Variants in MACF1 observed in about 807,000 individuals in gnomAD.
MACF1 encodes the protein microtubule actin crosslinking factor 1.
A neutral mutation model predicts 854.8 loss-of-function variants in MACF1; 193 were observed. The ratio of observed to expected loss-of-function variants is 0.23; its 90% CI spans 0.20 to 0.25. MACF1 has a LOEUF of 0.25. MACF1 is among the 10% of genes least tolerant of loss of function. The pLI is 1.00. For missense variants in MACF1, 7,722 were observed against 8,929.1 expected (o/e 0.86, Z 5.45); for synonymous variants, 3,185 against 3,226.7 (o/e 0.99, Z 0.44).
At position 39,371,286 on chromosome 1, in the gene MACF1, C is replaced by A. The variant is rs1317349333; in HGVS notation, c.13095+1100C>A. ...TGAGCTGAGATGGTGCCACTGCACT[C>A]CAGCCTGGGTGATAGAGAGTGAGAC... On this transcript the variant is annotated intron_variant, in intron 51 of 100. Transcript: ENST00000564288. Among the ~76,000 whole-genome samples the A allele has an allele frequency of 2.7e-5, 4 of 147,068 alleles. No homozygotes were observed. In the East Asian group the frequency reaches 8.0e-4, roughly 29 times the overall value.
intron 97 of MACF1, among the ~76,000 whole-genome samples, chr1:39,474,174 G>A (rs1413830747): frequency 6.6e-6 from 1 of 152,110 alleles, no homozygotes; most frequent in East Asian, 1.9e-4. Flanking sequence ...AGATCATGAG[G>A]TCAGGAGTTC....
Position 39,333,224 on chromosome 1 carries a change from A to G in MACF1, c.6636A>G (p.Glu2212=), listed in dbSNP as rs1489115024. 2 of 1,612,630 alleles carry G rather than the reference A, an allele frequency of 1.2e-6. No homozygotes were observed. The highest frequency in any genetic ancestry group is 1.7e-6 in the Non-Finnish European group (2 of 1,179,728). Reference sequence around the variant, plus strand: ...AGAAAACTCTAGGTATAAAGTTAGAACTAAAGTCTGAAACTGATGGGAATG... The same window carrying G: ...AGAAAACTCTAGGTATAAAGTTAGAGCTAAAGTCTGAAACTGATGGGAATG... ...QVKKTLGIKL[E]LKSETDGNVH... is the part of the protein sequence containing the mutation. Residue 2212 remains glutamate, a synonymous_variant, in exon 37 of 101, where the codon GAA becomes GAG. Transcript: ENST00000564288.
At position 39,336,037 on chromosome 1, in the gene MACF1, G is replaced by A. The variant is rs769962271; in HGVS notation, c.9449G>A (p.Trp3150Ter). The A allele has an allele frequency of 6.2e-7, 1 of 1,614,028 alleles. No homozygotes were observed. Reference protein sequence around the residue: ...TRQETNYQDSWVTSKTKETKH... With the variant: ...TRQETNYQDS ...CAGGAGACCAACTATCAAGATTCCTGGGTTACTTCGAAAACTAAGGAAACC... is the reference window on the plus strand; with the variant it reads ...CAGGAGACCAACTATCAAGATTCCTAGGTTACTTCGAAAACTAAGGAAACC... The change falls in exon 37 of 101, where the codon TGG becomes TAG. Residue 3150 changes from tryptophan (W) to a stop codon, truncating the protein, a stop_gained. Coordinates refer to ENST00000564288, the MANE Select transcript of MACF1 (RefSeq NM_001394062.1). LOFTEE classifies it high-confidence loss of function.
intron 6 of MACF1, among the ~76,000 whole-genome samples, chr1:39,258,957 G>C (rs1645127237): frequency 1.3e-5 from 2 of 152,212 alleles, no homozygotes; most frequent in Non-Finnish European, 2.9e-5. Context: ...AGCATGGACA[G>C]GGCTAGGATT....
chr1:39,285,879 A>C, intron 14 of MACF1, 121 bp downstream of exon 14: 4 of 1,091,714 alleles, frequency 3.7e-6, no homozygotes, highest in Non-Finnish European at 5.3e-6. Flanking sequence ...TCAGTGTCTC[A>C]ATGGGGATAC....
At chr1:39,459,964 C>CT (rs1026960143) in intron 91 of MACF1, 1 of 570,710 alleles carries the variant, frequency 1.8e-6, no homozygotes, top group African/African-American at 2.0e-5. Flanking sequence ...CTGCTGCACT[C>CT]TTTAAGTCAT....
chr1:39,280,363 C>T (rs1162086256), intron 6 of MACF1, among the ~76,000 whole-genome samples: 1 of 152,106 alleles, frequency 6.6e-6, no homozygotes, highest in Non-Finnish European at 1.5e-5. Context: ...CAATGATTCT[C>T]AGATTTGGAA....
chr1:39,336,696 T>C, intron 37 of MACF1, 43 bp downstream of exon 37: 1 of 1,513,202 alleles, frequency 6.6e-7, no homozygotes, highest in Middle Eastern at 2.3e-4. Flanking sequence ...AAGATACAAT[T>C]AGTTTAATGC....
intron 58 of MACF1, among the ~76,000 whole-genome samples, chr1:39,403,146 G>A (rs1642547531): frequency 6.6e-6 from 1 of 151,830 alleles, no homozygotes; most frequent in African/African-American, 2.4e-5. Flanking sequence ...CTCCCAGGCT[G>A]GAGTGCAGTG....
intron 2 of MACF1, among the ~76,000 whole-genome samples, chr1:39,091,311 T>C (rs74714233): frequency 0.078 from 11,866 of 152,244 alleles, 538 homozygotes; most frequent in Non-Finnish European, 0.094. Context: ...GGGAGTCAGC[T>C]GGAGCCCTAG....
chr1:39,088,262 G>T (rs759847526), intron 2 of MACF1, among the ~76,000 whole-genome samples: 2 of 152,062 alleles, frequency 1.3e-5, no homozygotes, highest in African/African-American at 4.8e-5. Flanking sequence ...GTGAGCCACC[G>T]CGCCTGGCCC....
Position 39,295,690 on chromosome 1 carries a change from C to A in MACF1, c.2260-97C>A. 4.8e-6 allele frequency: 4 copies of A among 826,442 alleles called. No individual in the cohort carries two copies. The South Asian group carries it at 7.2e-5, about 15-fold the overall frequency. 51.2% of individuals were successfully genotyped at this position (826,442 alleles called of 1,614,324 possible). A position where few individuals can be genotyped will look rare whatever the true frequency, so the allele number is the denominator to read the frequency against. On this transcript the variant is annotated intron_variant, in intron 19 of 100. Coordinates refer to ENST00000564288, the MANE Select transcript of MACF1 (RefSeq NM_001394062.1). Reference sequence around the variant, plus strand: ...CTCCACATCTTTTCTGTTGGCTTCTCTATCATTAGCAGAGTTGTACTTGGA... The same window carrying A: ...CTCCACATCTTTTCTGTTGGCTTCTATATCATTAGCAGAGTTGTACTTGGA...
rs759958022 is a variant in MACF1, at chr1:39,357,638, C to T, written c.11688C>T (p.Ser3896=). 2.4e-5 allele frequency: 38 copies of T among 1,613,936 alleles called. No individual in the cohort carries two copies. The highest frequency in any genetic ancestry group is 3.1e-5 in the Non-Finnish European group (37 of 1,180,014). Reference sequence around the variant, plus strand: ...AGTTTGAAAGCTGGTTGGAACGATCCGAGAAAGAGCTGGAGAACATGCATA... The same window carrying T: ...AGTTTGAAAGCTGGTTGGAACGATCTGAGAAAGAGCTGGAGAACATGCATA... ...HKEFESWLER[S]EKELENMHKG... is the part of the protein sequence containing the mutation. Residue 3896 remains serine (S), a synonymous_variant, in exon 45 of 101, where the codon TCC becomes TCT. Transcript: ENST00000564288.
At chr1:39,443,200 A>G (rs964559274) in intron 78 of MACF1, among the ~76,000 whole-genome samples, 2 of 152,120 alleles carry the variant, frequency 1.3e-5, no homozygotes, top group South Asian at 4.1e-4. Context: ...ATTCAACAGT[A>G]CCTTAATCAA....
intron 2 of MACF1, chr1:39,102,888 T>G: frequency 1.4e-6 from 1 of 702,510 alleles, no homozygotes; most frequent in Non-Finnish European, 2.6e-6. Context: ...AACCTCCCCT[T>G]CATAGACTTC....
chr1:39,337,138 A>G (rs1646825144), intron 37 of MACF1, 44 bp from the exon 38 acceptor site: 1 of 1,568,910 alleles, frequency 6.4e-7, no homozygotes, highest in Non-Finnish European at 8.6e-7. Flanking sequence ...GCTGACTTAC[A>G]GGAGAACGTC....
intron 58 of MACF1, among the ~76,000 whole-genome samples, chr1:39,422,151 A>C (rs1237137911): frequency 6.6e-6 from 1 of 152,216 alleles, no homozygotes; most frequent in Non-Finnish European, 1.5e-5. Context: ...TTAAAGACCT[A>C]AGTAGTGTCA....
intron 58 of MACF1, among the ~76,000 whole-genome samples, chr1:39,396,602 A>G (rs962001068): frequency 6.6e-6 from 1 of 152,222 alleles, no homozygotes; most frequent in Non-Finnish European, 1.5e-5. Context: ...GTGCCTAGAA[A>G]TGAATGGTAA....
chr1:39,424,974 T>TA (rs1283018282), intron 61 of MACF1, among the ~76,000 whole-genome samples: 1 of 152,212 alleles, frequency 6.6e-6, no homozygotes, highest in East Asian at 1.9e-4. Context: ...GCTTATTCCT[T>TA]ACCTGAGTTG....
Sources: gnomAD v4.1 joint callset for allele counts (sites outside exome capture counted in the v4.1 genomes callset) on GRCh38, gnomAD v4.1.1 for gene constraint, MANE v1.5 for transcripts, NCBI Gene and HGNC (gene_info 2026-07-23, HGNC 2026-07-21) for gene names.